Variants in GALNTL6 observed in about 807,000 individuals in gnomAD.
GALNTL6 encodes polypeptide N-acetylgalactosaminyltransferase-like 6.
GALNTL6 carries 46 observed loss-of-function variants against 73.7 expected under a neutral mutation model. That is an observed-to-expected ratio of 0.62 (90% CI 0.49 to 0.80). GALNTL6 has a LOEUF of 0.80. GALNTL6 is among the 30% of genes least tolerant of loss of function. The probability of loss-of-function intolerance (pLI) is 0.00; values close to 1 mark genes in which losing one functional copy is unlikely to be tolerated. For synonymous variants in GALNTL6, 259 were observed against 263.7 expected (o/e 0.98, Z 0.17); for missense variants, 604 against 755.0 (o/e 0.80, Z 2.34).
At chr4:171,871,474 A>T (rs1736136122) in intron 2 of GALNTL6, among the ~76,000 whole-genome samples, 1 of 152,090 alleles carries the variant, frequency 6.6e-6, no homozygotes, top group African/African-American at 2.4e-5. Context: ...TTCAATCCTC[A>T]GTGCTTCTTT....
At chr4:171,999,456 A>T (rs559604477) in intron 2 of GALNTL6, among the ~76,000 whole-genome samples, 2 of 152,308 alleles carry the variant, frequency 1.3e-5, no homozygotes, top group African/African-American at 4.8e-5. Context: ...TTCCTGCATT[A>T]GATTATGGTC....
intron 10 of GALNTL6, among the ~76,000 whole-genome samples, chr4:172,962,512 T>C (rs1750130869): frequency 1.3e-5 from 2 of 152,050 alleles, no homozygotes; most frequent in African/African-American, 4.8e-5. Flanking sequence ...ATGGGCGGAG[T>C]TCCTAAATAA....
At chr4:172,089,284 T>C (rs1732131375) in intron 2 of GALNTL6, among the ~76,000 whole-genome samples, 1 of 152,160 alleles carries the variant, frequency 6.6e-6, no homozygotes, top group South Asian at 2.1e-4. Context: ...GTTTTTCAAG[T>C]CTGGAGGGCA....
rs966495097 is a variant in GALNTL6, at chr4:172,773,418, T to A, written c.554-35943T>A. Among the ~76,000 whole-genome samples the A allele has an allele frequency of 1.5e-4, 23 of 152,194 alleles. No individual in the cohort carries two copies. The South Asian group carries it at 3.9e-3, about 26-fold the overall frequency. On this transcript the variant is annotated intron_variant, in intron 5 of 12. Transcript: ENST00000506823. The stretch of plus-strand genomic sequence containing the variant: ...GTAAGGTATGTGTAGTGGCTTTAAG[T>A]GGCAGTTTTGCCAAAAATTATGCAG...
chr4:172,626,657 G>T, intron 5 of GALNTL6, among the ~76,000 whole-genome samples: 1 of 151,856 alleles, frequency 6.6e-6, no homozygotes, highest in Non-Finnish European at 1.5e-5. Context: ...ATTTATTTGT[G>T]TCATCTCTGA....
At chr4:171,928,000 T>C (rs899327752) in intron 2 of GALNTL6, among the ~76,000 whole-genome samples, 5 of 152,172 alleles carry the variant, frequency 3.3e-5, no homozygotes, top group African/African-American at 1.2e-4. Flanking sequence ...TAGTTCATGA[T>C]TGTATTCCCA....
At chr4:172,781,472 T>C (rs1739365812) in intron 5 of GALNTL6, among the ~76,000 whole-genome samples, 1 of 152,114 alleles carries the variant, frequency 6.6e-6, no homozygotes, top group Non-Finnish European at 1.5e-5. Context: ...ATCGGTGCAT[T>C]TTTTTCAAAA....
chr4:172,263,421 C>T (rs1016312616), intron 3 of GALNTL6, among the ~76,000 whole-genome samples: 4 of 151,410 alleles, frequency 2.6e-5, no homozygotes, highest in Non-Finnish European at 5.9e-5. Context: ...TTTAAACTTT[C>T]CAGTGCAGTT....
At chr4:173,002,839 A>G (rs1752108513) in intron 10 of GALNTL6, among the ~76,000 whole-genome samples, 1 of 151,900 alleles carries the variant, frequency 6.6e-6, no homozygotes, top group South Asian at 2.1e-4. Context: ...AAGGAAATGA[A>G]GTTCCGATAC....
At chr4:172,430,454 G>A (rs1731403031) in intron 5 of GALNTL6, among the ~76,000 whole-genome samples, 1 of 152,168 alleles carries the variant, frequency 6.6e-6, no homozygotes, top group Non-Finnish European at 1.5e-5. Context: ...GAGCGTTTCA[G>A]TAGTGATATG....
At chr4:172,361,749 C>A (rs1468152896) in intron 5 of GALNTL6, among the ~76,000 whole-genome samples, 1 of 152,136 alleles carries the variant, frequency 6.6e-6, no homozygotes, top group Non-Finnish European at 1.5e-5. Context: ...AATCAAATAA[C>A]CAATGACACA....
chr4:172,729,817 G>T (rs1736043964), intron 5 of GALNTL6, among the ~76,000 whole-genome samples: 1 of 151,988 alleles, frequency 6.6e-6, no homozygotes, highest in East Asian at 1.9e-4. Flanking sequence ...AAATTACTTT[G>T]GGTGGTATTG....
intron 5 of GALNTL6, among the ~76,000 whole-genome samples, chr4:172,543,087 C>T (rs889836083): frequency 1.4e-5 from 1 of 69,936 alleles, no homozygotes; most frequent in African/African-American, 4.1e-5. Context: ...CAGAGCGAGA[C>T]TCCATCGCAA....
chr4:171,857,627 G>C (rs1735727721), intron 2 of GALNTL6, among the ~76,000 whole-genome samples: 1 of 152,168 alleles, frequency 6.6e-6, no homozygotes, highest in African/African-American at 2.4e-5. Flanking sequence ...AATGATTAAT[G>C]ATGTGATAAT....
intron 2 of GALNTL6, among the ~76,000 whole-genome samples, chr4:171,896,348 A>G (rs1300780750): frequency 3.9e-5 from 6 of 152,316 alleles, no homozygotes; most frequent in African/African-American, 7.2e-5. Flanking sequence ...CATGACAACA[A>G]TAGCCTCAGT....
In GALNTL6 at chr4:172,318,007, G is replaced by A. The variant is rs114428161; in HGVS notation, c.386+6255G>A. Among the ~76,000 whole-genome samples, 1,200 of 152,074 alleles carry A rather than the reference G, an allele frequency of 7.9e-3. 12 individuals are homozygous for A. The highest frequency in any genetic ancestry group is 0.027 in the African/African-American group (1,130 of 41,470). On this transcript the variant is annotated intron_variant, in intron 4 of 12. Coordinates refer to ENST00000506823, the MANE Select transcript of GALNTL6 (RefSeq NM_001034845.3). ...AAATCAAACACTATTCTAGCCTAGG[G>A]CACATCTAAATATTACTTAAAAAAT... is the stretch of plus-strand genomic sequence containing the variant.
intron 5 of GALNTL6, among the ~76,000 whole-genome samples, chr4:172,661,328 T>C (rs1178306860): frequency 6.6e-6 from 1 of 152,198 alleles, no homozygotes; most frequent in East Asian, 1.9e-4. Flanking sequence ...AGCCTGCTGG[T>C]CAACTCCATC....
chr4:172,459,021 A>C (rs1732512445), intron 5 of GALNTL6, among the ~76,000 whole-genome samples: 3 of 152,242 alleles, frequency 2.0e-5, no homozygotes, highest in Admixed American at 2.0e-4. Context: ...CACCAGGATT[A>C]AGTCGGCTTC....
chr4:172,688,963 A>AGTGACGTCATAATG (rs60258531), intron 5 of GALNTL6, among the ~76,000 whole-genome samples: 1 of 152,254 alleles, frequency 6.6e-6, no homozygotes, highest in Admixed American at 6.5e-5. Flanking sequence ...CTCCCTACTC[A>AGTGACGTCATAATG]GTAACCCAAA....
Sources: allele counts gnomAD v4.1 joint callset (sites outside exome capture counted in the v4.1 genomes callset), GRCh38; gene constraint gnomAD v4.1.1; transcripts MANE v1.5; gene names NCBI Gene and HGNC (gene_info 2026-07-23, HGNC 2026-07-21).